The following ALDH2 variants were observed in gnomAD, a reference collection of about 807,000 sequenced individuals.
The protein encoded by ALDH2 is aldehyde dehydrogenase, mitochondrial.
In ALDH2, 44 loss-of-function variants were observed where a neutral mutation model predicts 59.6. The ratio of observed to expected loss-of-function variants is 0.74; its 90% CI spans 0.58 to 0.95. ALDH2 has a LOEUF of 0.95. ALDH2 is among the 40% of genes least tolerant of loss of function. ALDH2 has a pLI of 0.00. For missense variants in ALDH2, 570 were observed against 696.3 expected, an observed-to-expected ratio of 0.82 and a Z score of 2.04; for synonymous variants, 291 against 284.0, an observed-to-expected ratio of 1.02 and a Z score of -0.25.
intron 3 of ALDH2, among the ~76,000 whole-genome samples, chr12:111,784,073 G>A (rs1233023390): frequency 6.6e-6 from 1 of 152,230 alleles, no homozygotes; most frequent in Non-Finnish European, 1.5e-5. Context: ...TCCCTGCATG[G>A]CATGCGGTGT....
At chr12:111,803,604 G>A (rs1046088297) in intron 11 of ALDH2, among the ~76,000 whole-genome samples, 1 of 151,830 alleles carries the variant, frequency 6.6e-6, no homozygotes, top group African/African-American at 2.4e-5. Context: ...AGGCGTGGTT[G>A]CACGTGCTGG....
chr12:111,809,218 C>G (rs2068518073), intron 12 of ALDH2, among the ~76,000 whole-genome samples: 1 of 152,170 alleles, frequency 6.6e-6, no homozygotes, highest in African/African-American at 2.4e-5. Flanking sequence ...CTTTGGGAGG[C>G]CCAGACAGGC....
Position 111,813,324 on chromosome 12 carries a change from C to T in ALDH2, c.*3749C>T, listed in dbSNP as rs1387298841. On this transcript the variant is annotated 3_prime_UTR_variant, in exon 13 of 13. Coordinates refer to ENST00000261733, the MANE Select transcript of ALDH2 (RefSeq NM_000690.4). ...TAAGTGTGGGCGCCACCTTGTGGGA[C>T]ATACATTGAACTACGACGCTATTTC... The T allele has an allele frequency of 1.3e-5, 2 of 152,174 alleles. No individual in the cohort carries two copies. The highest frequency in any genetic ancestry group is 2.4e-5 in the African/African-American group (1 of 41,428). The allele number at this position is 152,174 out of a possible 1,614,324, so 9.4% of individuals were successfully genotyped here. A position where few individuals can be genotyped will look rare whatever the true frequency, so the allele number is the denominator to read the frequency against.
rs528245693 is a variant in ALDH2, at chr12:111,797,988, G to C, written c.1084-90G>C. ...TCTTATGACCTTGGTCCATTTCCCA[G>C]TTGTCTTGTTGCCTGCATAATTCTA... On this transcript the variant is annotated intron_variant, in intron 9 of 12. Transcript: ENST00000261733. 120 of 1,495,820 alleles carry C rather than the reference G, an allele frequency of 8.0e-5. 1 individual carries two copies. The South Asian group carries it at 1.4e-3, about 17-fold the overall frequency. 92.7% of individuals were successfully genotyped at this position (1,495,820 alleles called of 1,614,324 possible).
At position 111,791,091 on chromosome 12, in the gene ALDH2, T is replaced by C. The variant is rs550978665; in HGVS notation, c.682-215T>C. Reference sequence around the variant, plus strand: ...CCACTGTTGTTCTAAGTGAATGCTGTCAGGGGAGGGGCAAAGACACAGGGA... The same window carrying C: ...CCACTGTTGTTCTAAGTGAATGCTGCCAGGGGAGGGGCAAAGACACAGGGA... On this transcript the variant is annotated intron_variant, in intron 6 of 12. Coordinates refer to ENST00000261733, the MANE Select transcript of ALDH2 (RefSeq NM_000690.4). Among the ~76,000 whole-genome samples the C allele has an allele frequency of 8.7e-4, 133 of 152,238 alleles. 1 individual carries two copies. Among genetic ancestry groups the C allele is most frequent in the African/African-American group, 3.1e-3 (128 of 41,550 alleles).
chr12:111,800,423 A>G (rs561157475), intron 11 of ALDH2, among the ~76,000 whole-genome samples: 1 of 152,104 alleles, frequency 6.6e-6, no homozygotes, highest in African/African-American at 2.4e-5. Flanking sequence ...TTATTTATTT[A>G]TTTTTAGTTT....
At chr12:111,789,790 T>C (rs2068342209) in intron 4 of ALDH2, 33 bp from the exon 5 acceptor site, 2 of 1,581,888 alleles carry the variant, frequency 1.3e-6, no homozygotes, top group Non-Finnish European at 8.7e-7. Flanking sequence ...CTGACAATCA[T>C]TGATTCGAGC....
rs764713289 is a variant in ALDH2, at chr12:111,800,027, A to G, written c.1370A>G (p.Asn457Ser). ...AVFTKDLDKA[N>S]YLSQALQAGT... is the part of the protein sequence containing the mutation. ...TTCACAAAGGATTTGGACAAGGCCAATTACCTGTCCCAGGCCCTCCAGGCG... is the reference window on the plus strand; with the variant it reads ...TTCACAAAGGATTTGGACAAGGCCAGTTACCTGTCCCAGGCCCTCCAGGCG... The change falls in exon 11 of 13, where the codon AAT becomes AGT. Residue 457 changes from asparagine (N) to serine (S), a missense_variant. Asn to Ser is a conservative substitution (Grantham distance 46). Coordinates refer to ENST00000261733, the MANE Select transcript of ALDH2 (RefSeq NM_000690.4). 4.3e-6 allele frequency: 7 copies of G among 1,613,470 alleles called. No individual in the cohort carries two copies. Among genetic ancestry groups the G allele is most frequent in the South Asian group, 1.1e-5 (1 of 91,000 alleles).
intron 10 of ALDH2, 139 bp from the exon 11 acceptor site, chr12:111,799,767 C>A: frequency 3.8e-6 from 4 of 1,039,122 alleles, no homozygotes; most frequent in Non-Finnish European, 1.4e-6. Context: ...AGCTTGATGG[C>A]TGTTGTCTTC....
intron 9 of ALDH2, 39 bp downstream of exon 9, chr12:111,792,821 C>A (rs1357908716): frequency 5.2e-6 from 8 of 1,526,980 alleles, no homozygotes; most frequent in Non-Finnish European, 6.2e-6. Context: ...GTGTCTAGAG[C>A]CAGCATGAGA....
intron 11 of ALDH2, among the ~76,000 whole-genome samples, chr12:111,802,978 G>A (rs988273607): frequency 1.3e-5 from 2 of 151,540 alleles, no homozygotes; most frequent in South Asian, 4.1e-4. Flanking sequence ...ATATCACGAA[G>A]TCAAGAGTTT....
intron 4 of ALDH2, among the ~76,000 whole-genome samples, chr12:111,788,719 A>G (rs2068331530): frequency 6.6e-6 from 1 of 152,156 alleles, no homozygotes. Flanking sequence ...CCAGGTCACT[A>G]GCCAGGTGCT....
At position 111,791,429 on chromosome 12, in the gene ALDH2, C is replaced by A; in HGVS notation, c.795+10C>A. ...CACAGGCTCCACTGAGGTAAGGTGA[C>A]CCTGGCCTCAAGCTTGCAGCCTCCT... On this transcript the variant is annotated intron_variant, in intron 7 of 12. Coordinates refer to ENST00000261733, the MANE Select transcript of ALDH2 (RefSeq NM_000690.4). The A allele has an allele frequency of 6.3e-7, 1 of 1,598,762 alleles. No homozygotes were observed. Among genetic ancestry groups the A allele is most frequent in the Middle Eastern group, 1.7e-4 (1 of 6,024 alleles).
chr12:111,807,091 A>G lies in ALDH2; in HGVS notation c.1522-2452A>G, dbSNP rs1053168770. Among the ~76,000 whole-genome samples, 26 of 151,870 alleles carry G rather than the reference A, an allele frequency of 1.7e-4. No homozygotes were observed. The South Asian group carries it at 5.0e-3, about 29-fold the overall frequency. On this transcript the variant is annotated intron_variant, in intron 12 of 12. Coordinates refer to ENST00000261733, the MANE Select transcript of ALDH2 (RefSeq NM_000690.4). ...ACCATCCTGGCTACGGTGAAACCCC[A>G]TCTCTACTAAAAATACAAAAAATTA...
rs1464616573 is a variant in ALDH2, at chr12:111,767,146, G to A, written c.114+50G>A. On this transcript the variant is annotated intron_variant, in intron 1 of 12. Coordinates refer to ENST00000261733, the MANE Select transcript of ALDH2 (RefSeq NM_000690.4). ...CTTTGTTTTCCGGCCCGAGTCCCCC[G>A]CAGGCCCCTAGGAAGGCCCCGCGCC... The A allele has an allele frequency of 2.9e-6, 4 of 1,395,656 alleles. No individual in the cohort carries two copies. The African/African-American group carries it at 6.1e-5, about 21-fold the overall frequency. The allele number at this position is 1,395,656 out of a possible 1,614,324, so 86.5% of individuals were successfully genotyped here. A position where few individuals can be genotyped will look rare whatever the true frequency, so the allele number is the denominator to read the frequency against.
rs928835457 is a variant in ALDH2, at chr12:111,815,567, T to C, written c.*5992T>C. 1.3e-5 allele frequency: 2 copies of C among 152,096 alleles called. No individual in the cohort carries two copies. Among genetic ancestry groups the C allele is most frequent in the African/African-American group, 4.8e-5 (2 of 41,422 alleles). 9.4% of individuals were successfully genotyped at this position (152,096 alleles called of 1,614,324 possible). ...CACCTGACCTACAGCCATCTATGAC[T>C]CCTACTGTATCTTCCATGCCAGGAG... is the stretch of plus-strand genomic sequence containing the variant. On this transcript the variant is annotated 3_prime_UTR_variant, in exon 13 of 13. Coordinates refer to ENST00000261733, the MANE Select transcript of ALDH2 (RefSeq NM_000690.4).
intron 11 of ALDH2, among the ~76,000 whole-genome samples, chr12:111,800,728 A>T: frequency 6.6e-6 from 1 of 152,132 alleles, no homozygotes; most frequent in Non-Finnish European, 1.5e-5. Context: ...TGGGAATGGA[A>T]AATGGCACAC....
At chr12:111,775,135 C>A (rs1476403083) in intron 1 of ALDH2, among the ~76,000 whole-genome samples, 2 of 152,176 alleles carry the variant, frequency 1.3e-5, no homozygotes, top group African/African-American at 4.8e-5. Context: ...CTGAGAAAAG[C>A]GAGTTAGCAA....
chr12:111,792,614 A>G lies in ALDH2; in HGVS notation c.915A>G (p.Glu305=), dbSNP rs141555810. The G allele has an allele frequency of 1.2e-4, 188 of 1,612,690 alleles. No individual in the cohort carries two copies. In the African/African-American group the frequency reaches 2.4e-3, roughly 20 times the overall value. ...TTCCCGCAGTGGATTGGGCCGTGGA[A>G]CAGGCCCACTTCGCCCTGTTCTTCA... The part of the protein sequence containing the change: ...MSDADMDWAV[E]QAHFALFFNQ... Residue 305 remains glutamate, a synonymous_variant, in exon 9 of 13, where the codon GAA becomes GAG. Transcript: ENST00000261733.
Sources: gnomAD v4.1 joint callset for allele counts (sites outside exome capture counted in the v4.1 genomes callset) on GRCh38, gnomAD v4.1.1 for gene constraint, MANE v1.5 for transcripts, NCBI Gene and HGNC (gene_info 2026-07-23, HGNC 2026-07-21) for gene names.